The following SENP1 variants were observed in gnomAD, a reference collection of about 807,000 sequenced individuals.
The protein encoded by SENP1 is SUMO specific peptidase 1, also known as sentrin-specific protease 1.
SENP1 carries 21 observed loss-of-function variants against 93.0 expected under a neutral mutation model. That is an observed-to-expected ratio of 0.23 (90% CI 0.16 to 0.33). The LOEUF (loss-of-function observed/expected upper bound fraction) is 0.33. Ranked by LOEUF, SENP1 falls within the 10% of genes least tolerant of loss-of-function variation. The pLI is 1.00. For synonymous variants in SENP1, 256 were observed against 259.6 expected, an observed-to-expected ratio of 0.99 and a Z score of 0.13; for missense variants, 591 against 758.7, an observed-to-expected ratio of 0.78 and a Z score of 2.60.
intron 9 of SENP1, among the ~76,000 whole-genome samples, chr12:48,071,319 A>G (rs1943676679): frequency 6.6e-6 from 1 of 152,190 alleles, no homozygotes. Context: ...ACAATATGTT[A>G]AGAAGAAACT....
chr12:48,054,975 G>T, intron 13 of SENP1: 1 of 221,704 alleles, frequency 4.5e-6, no homozygotes, highest in South Asian at 7.7e-5. Flanking sequence ...TTCTTAAGAT[G>T]AACTGGATGA....
Position 48,096,459 on chromosome 12 carries a change from CA to C in SENP1, c.136-33del. On this transcript the variant is annotated intron_variant, in intron 3 of 17. Transcript: ENST00000549518. ...AAAGCAGAAGATTTTTCTTAAGTCA[CA>C]TTTTTTTTTTTTTTGAGACAGTCTC... is the stretch of plus-strand genomic sequence containing the variant. 4 of 1,349,098 alleles carry C rather than the reference CA, an allele frequency of 3.0e-6. No homozygotes were observed. The South Asian group carries it at 3.9e-5, about 13-fold the overall frequency. 83.6% of individuals were successfully genotyped at this position (1,349,098 alleles called of 1,614,324 possible).
At chr12:48,049,355 G>C (rs569030268) in intron 13 of SENP1, among the ~76,000 whole-genome samples, 1 of 152,272 alleles carries the variant, frequency 6.6e-6, no homozygotes, top group South Asian at 2.1e-4. Flanking sequence ...ATATATTATG[G>C]GGTTGGGAGT....
At chr12:48,105,570 T>C (rs1946471740) in intron 1 of SENP1, 15 of 489,534 alleles carry the variant, frequency 3.1e-5, no homozygotes, top group South Asian at 2.1e-4. Flanking sequence ...GACGCAGAAG[T>C]AGTCAAGAAA....
In SENP1 at chr12:48,048,022, T is replaced by C. The variant is rs147699043; in HGVS notation, c.1670A>G (p.Asn557Ser). ...TTACAAGAGTATTCTGCAGGCTTCA[T>C]TGTTTATCCCACCCATGGAGTCGTA... The part of the protein sequence containing the change: ...TYYDSMGGIN[N>S]EACRILLQYL... The change falls in exon 15 of 18, where the codon AAT becomes AGT. Residue 557 changes from asparagine to serine, a missense_variant. Around this residue, in one of 4 missense-constraint regions of SENP1, gnomAD observed 132 missense variants for 230.1 expected, o/e 0.57. Transcript: ENST00000549518. 4.4e-6 allele frequency: 7 copies of C among 1,606,066 alleles called. No homozygotes were observed. The highest frequency in any genetic ancestry group is 1.7e-5 in the Admixed American group (1 of 59,976).
chr12:48,053,480 GAAAAA>G (rs56951392), intron 13 of SENP1, among the ~76,000 whole-genome samples: 2 of 79,708 alleles, frequency 2.5e-5, no homozygotes, highest in African/African-American at 8.6e-5. Flanking sequence ...CCTGTCTCAG[GAAAAA>G]AAAAAAAAAA....
At chr12:48,074,869 A>G (rs4258439) in intron 6 of SENP1, 76 bp from the exon 7 acceptor site, 481,202 of 955,280 alleles carry the variant, frequency 0.5, 124,718 homozygotes, top group East Asian at 0.81. Flanking sequence ...GCATGTAAAC[A>G]GAATCCTAGC....
intron 13 of SENP1, among the ~76,000 whole-genome samples, chr12:48,056,490 C>T (rs1942390126): frequency 1.1e-5 from 1 of 88,468 alleles, no homozygotes; most frequent in Admixed American, 1.6e-4. Flanking sequence ...TAATATATTA[C>T]ATATTACATA....
At chr12:48,045,944 C>T (rs911391361) in intron 17 of SENP1, among the ~76,000 whole-genome samples, 2 of 152,166 alleles carry the variant, frequency 1.3e-5, no homozygotes, top group Non-Finnish European at 2.9e-5. Context: ...CCAGATTCAT[C>T]AAGTGAGGGG....
chr12:48,073,411 C>A (rs1592376435), intron 8 of SENP1, among the ~76,000 whole-genome samples: 1 of 148,768 alleles, frequency 6.7e-6, no homozygotes. Flanking sequence ...TCACAAAGTA[C>A]AAATAGATTA....
intron 4 of SENP1, 27 bp from the exon 5 acceptor site, chr12:48,088,987 TAAAC>T: frequency 1.3e-6 from 2 of 1,577,688 alleles, no homozygotes; most frequent in Non-Finnish European, 1.7e-6. Flanking sequence ...TTGAATAAAT[TAAAC>T]AAATTCTACA....
chr12:48,087,277 G>A (rs1057291205), intron 5 of SENP1, among the ~76,000 whole-genome samples: 2 of 152,164 alleles, frequency 1.3e-5, no homozygotes, highest in African/African-American at 2.4e-5. Context: ...AGAAGGATAT[G>A]TACTAAGATA....
chr12:48,083,054 G>T (rs1447290939), intron 6 of SENP1, among the ~76,000 whole-genome samples: 14 of 152,036 alleles, frequency 9.2e-5, no homozygotes, highest in Admixed American at 8.5e-4. Flanking sequence ...ACAGATATGA[G>T]CCACCAAGCC....
At position 48,070,133 on chromosome 12, in the gene SENP1, C is replaced by T. The variant is rs530180410; in HGVS notation, c.995+1534G>A. ...GTGAGTTGAGACCTAAAAGATAAAA[C>T]ACTACTGACAGACAAAGTTGAGGTA... On this transcript the variant is annotated intron_variant, in intron 9 of 17. Transcript: ENST00000549518. Among the ~76,000 whole-genome samples the T allele has an allele frequency of 2.6e-5, 4 of 152,330 alleles. No homozygotes were observed. In the East Asian group the frequency reaches 7.7e-4, roughly 29 times the overall value.
chr12:48,070,587 C>T (rs1017608535), intron 9 of SENP1, among the ~76,000 whole-genome samples: 1 of 152,178 alleles, frequency 6.6e-6, no homozygotes, highest in Non-Finnish European at 1.5e-5. Flanking sequence ...ACCTGGCACA[C>T]AGTAGGCTCT....
At chr12:48,068,587 T>C (rs1323115992) in intron 9 of SENP1, among the ~76,000 whole-genome samples, 2 of 152,056 alleles carry the variant, frequency 1.3e-5, no homozygotes, top group Non-Finnish European at 2.9e-5. Context: ...TGCCTTTCAA[T>C]AGATGAAAGC....
At chr12:48,078,370 CATAT>C (rs371780150) in intron 6 of SENP1, among the ~76,000 whole-genome samples, 3 of 107,800 alleles carry the variant, frequency 2.8e-5, no homozygotes, top group Non-Finnish European at 3.9e-5. Flanking sequence ...CACACATACA[CATAT>C]ATACTTATAC....
intron 13 of SENP1, 61 bp from the exon 14 acceptor site, chr12:48,049,193 G>T (rs1356201470): frequency 4.6e-6 from 6 of 1,298,458 alleles, no homozygotes; most frequent in African/African-American, 1.5e-5. Flanking sequence ...CAAAATAGTT[G>T]CAGTTGCTGT....
chr12:48,053,469 C>A (rs1014513384), intron 13 of SENP1, among the ~76,000 whole-genome samples: 5 of 146,798 alleles, frequency 3.4e-5, no homozygotes, highest in African/African-American at 1.3e-4. Context: ...CAGAGTGAGA[C>A]CCTGTCTCAG....
Sources: gnomAD v4.1 joint callset for allele counts (sites outside exome capture counted in the v4.1 genomes callset) on GRCh38, gnomAD v4.1.1 for gene constraint, gnomAD v4.1.1 regional missense constraint, MANE v1.5 for transcripts, NCBI Gene and HGNC (gene_info 2026-07-23, HGNC 2026-07-21) for gene names.